Variants in KCND2 observed in about 807,000 individuals in gnomAD.
KCND2 encodes A-type voltage-gated potassium channel KCND2.
Under a neutral mutation model 54.4 loss-of-function variants are expected in KCND2, and 16 were observed. That is an observed-to-expected ratio of 0.29 (90% CI 0.20 to 0.45). The LOEUF (loss-of-function observed/expected upper bound fraction) is 0.45, where lower values mean the gene tolerates loss of function less well. Ranked by LOEUF, KCND2 falls within the 20% of genes least tolerant of loss-of-function variation. KCND2 has a pLI of 1.00. For synonymous variants in KCND2, 317 were observed against 310.7 expected (o/e 1.02, Z -0.21); for missense variants, 486 against 824.2 (o/e 0.59, Z 5.02).
chr7:120,748,295 A>G lies in KCND2; in HGVS notation c.*437A>G, dbSNP rs190698593. The G allele has an allele frequency of 4.9e-5, 8 of 161,824 alleles. No individual in the cohort carries two copies. In the East Asian group the frequency reaches 1.4e-3, roughly 29 times the overall value. 10.0% of individuals were successfully genotyped at this position (161,824 alleles called of 1,614,324 possible). A position where few individuals can be genotyped will look rare whatever the true frequency, so the allele number is the denominator to read the frequency against. ...ATTATTACATATGAAAAAAAAACTC[A>G]CACAACATATTTGTATTGACTGAAG... On this transcript the variant is annotated 3_prime_UTR_variant, in exon 6 of 6. Coordinates refer to ENST00000331113, the MANE Select transcript of KCND2 (RefSeq NM_012281.3).
At chr7:120,345,386 C>CT (rs138413590) in intron 1 of KCND2, among the ~76,000 whole-genome samples, 1,702 of 152,104 alleles carry the variant, frequency 0.011, 36 homozygotes, top group African/African-American at 0.039. Flanking sequence ...AAGTGAAAGT[C>CT]TAGATGAAAA....
chr7:120,459,652 A>G (rs1330444476), intron 1 of KCND2, among the ~76,000 whole-genome samples: 2 of 152,232 alleles, frequency 1.3e-5, no homozygotes, highest in East Asian at 1.9e-4. Flanking sequence ...AATACTCACA[A>G]CTATCGTCAA....
rs577127769 is a variant in KCND2 at position 120,294,964 on chromosome 7, ATCTAACTTCATTTGTTCTGATAC to A, written c.1115+19221_1115+19243del. ...GAAACTCTTGAAGGTCAGGACGTGT[ATCTAACTTCATTTGTTCTGATAC>A]TCTGGGCATTGAATACATTTTTTTG... On this transcript the variant is annotated intron_variant, in intron 1 of 5. Transcript: ENST00000331113. Among the ~76,000 whole-genome samples, 15 of 151,948 alleles carry A rather than the reference ATCTAACTTCATTTGTTCTGATAC, an allele frequency of 9.9e-5. No homozygotes were observed. The East Asian group carries it at 2.9e-3, about 29-fold the overall frequency.
chr7:120,618,130 A>G (rs1352430700), intron 1 of KCND2, among the ~76,000 whole-genome samples: 3 of 152,190 alleles, frequency 2.0e-5, no homozygotes, highest in Admixed American at 1.3e-4. Flanking sequence ...CTAGTGTAAA[A>G]AACCTGCGCA....
intron 1 of KCND2, among the ~76,000 whole-genome samples, chr7:120,594,824 A>G (rs10247657): frequency 0.12 from 17,923 of 152,076 alleles, 1,717 homozygotes; most frequent in African/African-American, 0.28. Context: ...GTTCGAGACC[A>G]GCCTGACCAA....
chr7:120,316,782 A>G (rs1346174456), intron 1 of KCND2, among the ~76,000 whole-genome samples: 1 of 151,954 alleles, frequency 6.6e-6, no homozygotes, highest in Non-Finnish European at 1.5e-5. Flanking sequence ...GTTGTACTGA[A>G]TTATTGTACT....
At chr7:120,435,091 T>TTTTTA (rs1801847092) in intron 1 of KCND2, among the ~76,000 whole-genome samples, 2 of 149,212 alleles carry the variant, frequency 1.3e-5, no homozygotes, top group Non-Finnish European at 3.0e-5. Flanking sequence ...AAACAATAAA[T>TTTTTA]TTTATTTATT....
At chr7:120,496,137 CT>C (rs1562855159) in intron 1 of KCND2, among the ~76,000 whole-genome samples, 3 of 152,054 alleles carry the variant, frequency 2.0e-5, no homozygotes, top group East Asian at 3.9e-4. Flanking sequence ...GAAGCATCCA[CT>C]CTGAGTCAGA....
chr7:120,400,311 A>G (rs1181236549), intron 1 of KCND2, among the ~76,000 whole-genome samples: 1 of 152,194 alleles, frequency 6.6e-6, no homozygotes, highest in East Asian at 1.9e-4. Flanking sequence ...ATTTTAAAAA[A>G]TGTATTTTAT....
chr7:120,609,482 A>T (rs985670862), intron 1 of KCND2, among the ~76,000 whole-genome samples: 5 of 152,104 alleles, frequency 3.3e-5, no homozygotes, highest in African/African-American at 9.7e-5. Flanking sequence ...GGGGAAGGCT[A>T]ATGCATACAG....
intron 1 of KCND2, among the ~76,000 whole-genome samples, chr7:120,403,760 G>A (rs1468070558): frequency 6.6e-6 from 1 of 151,894 alleles, no homozygotes; most frequent in Non-Finnish European, 1.5e-5. Flanking sequence ...CAACACATAT[G>A]TCTAATTTTA....
chr7:120,436,865 T>A (rs1054172696), intron 1 of KCND2, among the ~76,000 whole-genome samples: 2 of 152,212 alleles, frequency 1.3e-5, no homozygotes, highest in African/African-American at 4.8e-5. Context: ...TCAGCCCACA[T>A]GCCCAGTCAA....
intron 1 of KCND2, among the ~76,000 whole-genome samples, chr7:120,649,348 A>G (rs1017001545): frequency 4.6e-5 from 7 of 152,122 alleles, no homozygotes; most frequent in African/African-American, 1.7e-4. Flanking sequence ...TGCAGTGGGG[A>G]AAAAATCTTC....
rs533948738 is a variant in KCND2 at position 120,607,095 on chromosome 7, G to T, written c.1116-125808G>T. Among the ~76,000 whole-genome samples, 31 of 152,154 alleles carry T rather than the reference G, an allele frequency of 2.0e-4. No homozygotes were observed. In the East Asian group the frequency reaches 6.0e-3, roughly 29 times the overall value. On this transcript the variant is annotated intron_variant, in intron 1 of 5. Coordinates refer to ENST00000331113, the MANE Select transcript of KCND2 (RefSeq NM_012281.3). Reference sequence around the variant, plus strand: ...CTTACATCATGGTTACAAGACTATTGGTTTTTAAGGCTCCTAGGGAACTGG... The same window carrying T: ...CTTACATCATGGTTACAAGACTATTTGTTTTTAAGGCTCCTAGGGAACTGG...
intron 1 of KCND2, among the ~76,000 whole-genome samples, chr7:120,301,599 G>T (rs1425007739): frequency 6.6e-6 from 1 of 151,828 alleles, no homozygotes; most frequent in Non-Finnish European, 1.5e-5. Context: ...TTGCCACATT[G>T]TTGGGCCTGG....
chr7:120,430,637 A>G (rs1801775197), intron 1 of KCND2, among the ~76,000 whole-genome samples: 1 of 152,210 alleles, frequency 6.6e-6, no homozygotes, highest in African/African-American at 2.4e-5. Flanking sequence ...GTATAGTATC[A>G]AAGAAGAATG....
intron 1 of KCND2, among the ~76,000 whole-genome samples, chr7:120,663,402 A>G (rs1342504377): frequency 1.3e-5 from 2 of 152,174 alleles, no homozygotes; most frequent in African/African-American, 2.4e-5. Flanking sequence ...AATTAAAAGG[A>G]TGACACCTCA....
chr7:120,696,248 C>G (rs540590665), intron 1 of KCND2, among the ~76,000 whole-genome samples: 45 of 152,330 alleles, frequency 3.0e-4, no homozygotes, highest in African/African-American at 1.1e-3. Flanking sequence ...AATCATTTCA[C>G]TGTATTAAAA....
At chr7:120,403,573 A>G (rs956280331) in intron 1 of KCND2, among the ~76,000 whole-genome samples, 5 of 148,820 alleles carry the variant, frequency 3.4e-5, no homozygotes, top group Middle Eastern at 3.2e-3. Context: ...CAAATGATCC[A>G]CCTGCCTAGG....
Sources: gnomAD v4.1 joint callset for allele counts (sites outside exome capture counted in the v4.1 genomes callset) on GRCh38, gnomAD v4.1.1 for gene constraint, MANE v1.5 for transcripts, NCBI Gene and HGNC (gene_info 2026-07-23, HGNC 2026-07-21) for gene names.